Variants in OXR1 observed in about 807,000 individuals in gnomAD.
The protein encoded by OXR1 is oxidation resistance 1, also known as oxidation resistance protein 1.
OXR1 carries 41 observed loss-of-function variants against 104.6 expected under a neutral mutation model. That is an observed-to-expected ratio of 0.39 (90% CI 0.31 to 0.51). OXR1 has a LOEUF of 0.51. Ranked by LOEUF, OXR1 falls within the 20% of genes least tolerant of loss-of-function variation. OXR1 has a pLI of 0.77. For missense variants in OXR1, 955 were observed against 1,031.9 expected, an observed-to-expected ratio of 0.93 and a Z score of 1.02; for synonymous variants, 348 against 348.4, an observed-to-expected ratio of 1.00 and a Z score of 0.01.
intron 2 of OXR1, among the ~76,000 whole-genome samples, chr8:106,497,808 A>G (rs77160015): frequency 3.1e-5 from 4 of 128,734 alleles, no homozygotes; most frequent in African/African-American, 6.6e-5. Context: ...GTGTGTGTGC[A>G]CACGCGTGTG....
chr8:106,482,539 A>G (rs1563551453), intron 2 of OXR1, among the ~76,000 whole-genome samples: 2 of 152,070 alleles, frequency 1.3e-5, no homozygotes, highest in Admixed American at 6.6e-5. Flanking sequence ...AAAAATACCT[A>G]CTACTCAAGC....
At chr8:106,540,498 T>C (rs1017583093) in intron 3 of OXR1, among the ~76,000 whole-genome samples, 1 of 152,230 alleles carries the variant, frequency 6.6e-6, no homozygotes, top group African/African-American at 2.4e-5. Context: ...TACACAACGT[T>C]ACAATCAACT....
At chr8:106,564,004 T>C (rs1816884529) in intron 3 of OXR1, among the ~76,000 whole-genome samples, 2 of 152,112 alleles carry the variant, frequency 1.3e-5, no homozygotes, top group Non-Finnish European at 2.9e-5. Flanking sequence ...TAGAGGGAAA[T>C]TTATAGTACT....
intron 11 of OXR1, among the ~76,000 whole-genome samples, chr8:106,723,671 CAAAACAAAAAACAAA>C (rs1427332130): frequency 3.7e-5 from 5 of 135,662 alleles, no homozygotes; most frequent in Non-Finnish European, 6.1e-5. Context: ...TACTCCATCT[CAAAACAAAAAACAAA>C]CAAACAAAAA....
intron 2 of OXR1, among the ~76,000 whole-genome samples, chr8:106,379,320 A>G (rs1453271248): frequency 1.3e-5 from 2 of 152,176 alleles, no homozygotes; most frequent in Non-Finnish European, 1.5e-5. Context: ...GGCTTTAGGC[A>G]TAATTGATAT....
chr8:106,708,944 C>T (rs574897923), intron 9 of OXR1, among the ~76,000 whole-genome samples: 1 of 148,000 alleles, frequency 6.8e-6, no homozygotes, highest in Non-Finnish European at 1.5e-5. Flanking sequence ...TTTCATCATG[C>T]AGTTGAGATA....
At chr8:106,294,412 A>AAAAAAAAAAAAAAAAAAG (rs71307051) in intron 1 of OXR1, among the ~76,000 whole-genome samples, 1 of 131,410 alleles carries the variant, frequency 7.6e-6, no homozygotes, top group African/African-American at 2.9e-5. Context: ...AAAAAAAAAA[A>AAAAAAAAAAAAAAAAAAG]AAAGAAAGAA....
At chr8:106,535,089 A>G (rs1358760078) in intron 3 of OXR1, among the ~76,000 whole-genome samples, 6 of 152,046 alleles carry the variant, frequency 3.9e-5, no homozygotes, top group Admixed American at 3.9e-4. Context: ...CAGCCCCCCA[A>G]GTAGCTGAGA....
intron 1 of OXR1, among the ~76,000 whole-genome samples, chr8:106,305,791 A>G (rs2130110171): frequency 6.6e-6 from 1 of 152,190 alleles, no homozygotes; most frequent in African/African-American, 2.4e-5. Context: ...ACCATTATGT[A>G]ACTATATTCC....
intron 2 of OXR1, among the ~76,000 whole-genome samples, chr8:106,411,096 A>G (rs1207529972): frequency 6.6e-6 from 1 of 152,100 alleles, no homozygotes; most frequent in Non-Finnish European, 1.5e-5. Flanking sequence ...GATGAGTGTA[A>G]TAAAGAAAAA....
intron 1 of OXR1, among the ~76,000 whole-genome samples, chr8:106,292,168 G>A (rs750829769): frequency 2.0e-5 from 3 of 152,258 alleles, no homozygotes; most frequent in South Asian, 4.1e-4. Context: ...TGTAGTGCTT[G>A]TATTCAAGTC....
At chr8:106,645,503 T>C (rs1824002116) in intron 3 of OXR1, among the ~76,000 whole-genome samples, 1 of 152,194 alleles carries the variant, frequency 6.6e-6, no homozygotes. Flanking sequence ...TATATTGCTG[T>C]GTCTACTGTT....
At chr8:106,371,591 G>T (rs937459961) in intron 2 of OXR1, among the ~76,000 whole-genome samples, 2 of 152,136 alleles carry the variant, frequency 1.3e-5, no homozygotes, top group Non-Finnish European at 2.9e-5. Context: ...CTGCTACGTT[G>T]TCTCTTTGTT....
At chr8:106,715,988 A>T (rs1170133134) in intron 11 of OXR1, among the ~76,000 whole-genome samples, 1 of 152,204 alleles carries the variant, frequency 6.6e-6, no homozygotes, top group East Asian at 1.9e-4. Flanking sequence ...ATATGTGGCT[A>T]TTGAGTACTT....
chr8:106,273,313 T>C lies in OXR1; in HGVS notation c.-139+2946T>C, dbSNP rs140159884. On this transcript the variant is annotated intron_variant, in intron 1 of 16. Coordinates refer to ENST00000517566, the MANE Select transcript of OXR1 (RefSeq NM_001198533.2). Reference sequence around the variant, plus strand: ...TGGCTTGAGGAGGCAGAATGAGAAATAGAGATGTCAGTCAAAGTGGAAGAA... The same window carrying C: ...TGGCTTGAGGAGGCAGAATGAGAAACAGAGATGTCAGTCAAAGTGGAAGAA... Among the ~76,000 whole-genome samples the C allele has an allele frequency of 7.9e-5, 12 of 150,944 alleles. 1 individual carries two copies. The highest frequency in any genetic ancestry group is 2.6e-4 in the Admixed American group (4 of 15,196).
At chr8:106,464,753 A>G (rs1821086647) in intron 2 of OXR1, among the ~76,000 whole-genome samples, 1 of 152,030 alleles carries the variant, frequency 6.6e-6, no homozygotes. Context: ...TTTAAAAAAC[A>G]TTCATTTATT....
chr8:106,431,859 G>C (rs927074605), intron 2 of OXR1, among the ~76,000 whole-genome samples: 2 of 152,150 alleles, frequency 1.3e-5, no homozygotes, highest in Non-Finnish European at 2.9e-5. Context: ...GCAAACATTT[G>C]ATAACCTAAA....
At chr8:106,334,157 CA>C (rs1814853686) in intron 1 of OXR1, among the ~76,000 whole-genome samples, 1 of 152,154 alleles carries the variant, frequency 6.6e-6, no homozygotes, top group Admixed American at 6.5e-5. Flanking sequence ...TTATAGTTTT[CA>C]GTGTACAAAT....
intron 1 of OXR1, among the ~76,000 whole-genome samples, chr8:106,302,585 C>CA (rs201231695): frequency 0.3 from 37,526 of 125,146 alleles, 6,401 homozygotes; most frequent in African/African-American, 0.51. Context: ...GATGCTGTCT[C>CA]AAAAAAAAAA....
Sources: allele counts gnomAD v4.1 joint callset (sites outside exome capture counted in the v4.1 genomes callset), GRCh38; gene constraint gnomAD v4.1.1; transcripts MANE v1.5; gene names NCBI Gene and HGNC (gene_info 2026-07-23, HGNC 2026-07-21).